The following LAMTOR4 variants were observed in gnomAD, a reference collection of about 807,000 sequenced individuals.
The protein encoded by LAMTOR4 is late endosomal/lysosomal adaptor, MAPK and MTOR activator 4.
In LAMTOR4, 11 loss-of-function variants were observed where a neutral mutation model predicts 13.5. The ratio of observed to expected loss-of-function variants is 0.82; its 90% CI spans 0.51 to 1.35. The LOEUF (loss-of-function observed/expected upper bound fraction) is 1.35. LAMTOR4 is among the 40% of genes most tolerant of loss of function. The pLI, the probability that LAMTOR4 is intolerant of heterozygous loss-of-function variation, is 0.00. For synonymous variants in LAMTOR4, 69 were observed against 52.3 expected (o/e 1.32, Z -1.38); for missense variants, 128 against 126.2 (o/e 1.01, Z -0.07).
Position 100,154,056 on chromosome 7 carries a change from A to C in LAMTOR4, c.*92A>C, listed in dbSNP as rs1798810547. The C allele has an allele frequency of 1.0e-6, 1 of 966,250 alleles. No individual in the cohort carries two copies. Among genetic ancestry groups the C allele is most frequent in the Non-Finnish European group, 1.6e-6 (1 of 618,414 alleles). 59.9% of individuals were successfully genotyped at this position (966,250 alleles called of 1,614,324 possible). A position where few individuals can be genotyped will look rare whatever the true frequency, so the allele number is the denominator to read the frequency against. The stretch of plus-strand genomic sequence containing the variant: ...CCTGTCGGTCTTGGCTTGCTGCTAG[A>C]ACTAGGGCCTTCTGCTCGCCCACCT... On this transcript the variant is annotated 3_prime_UTR_variant, in exon 4 of 4. Coordinates refer to ENST00000341942, the MANE Select transcript of LAMTOR4 (RefSeq NM_001008395.4).
chr7:100,149,294 CG>C, intron 1 of LAMTOR4: 1 of 561,616 alleles, frequency 1.8e-6, no homozygotes, highest in South Asian at 2.1e-5. Flanking sequence ...CAGGGGAGCC[CG>C]GGGGCGAGAG....
chr7:100,151,315 T>A (rs2116944399), intron 2 of LAMTOR4, among the ~76,000 whole-genome samples: 1 of 151,864 alleles, frequency 6.6e-6, no homozygotes, highest in South Asian at 2.1e-4. Flanking sequence ...CCTCATGATT[T>A]GCCCGCCTCA....
chr7:100,149,776 ATTTAT>A (rs1798643173), intron 2 of LAMTOR4, 197 bp downstream of exon 2: 3 of 487,834 alleles, frequency 6.1e-6, no homozygotes, highest in Non-Finnish European at 1.1e-5. Flanking sequence ...GCTGCGATTT[ATTTAT>A]TTATAGTTTT....
intron 2 of LAMTOR4, among the ~76,000 whole-genome samples, chr7:100,151,020 G>A (rs1584610255): frequency 1.3e-5 from 2 of 151,736 alleles, no homozygotes; most frequent in East Asian, 3.9e-4. Context: ...AGATGAGACT[G>A]GGCAAGTGGT....
At chr7:100,152,301 T>C (rs920059874) in intron 2 of LAMTOR4, among the ~76,000 whole-genome samples, 6 of 151,680 alleles carry the variant, frequency 4.0e-5, no homozygotes, top group African/African-American at 7.3e-5. Flanking sequence ...TCTTGGGAGG[T>C]TGAGGCAGGA....
intron 2 of LAMTOR4, among the ~76,000 whole-genome samples, chr7:100,153,121 G>T (rs909101842): frequency 1.3e-5 from 2 of 151,600 alleles, no homozygotes; most frequent in Non-Finnish European, 2.9e-5. Flanking sequence ...TACAGCCTGG[G>T]TGACAGAACG....
At position 100,151,074 on chromosome 7, in the gene LAMTOR4, T is replaced by G. The variant is rs188266866; in HGVS notation, c.84+1495T>G. On this transcript the variant is annotated intron_variant, in intron 2 of 3. Transcript: ENST00000341942. ...GGAGAGAAGAGTTTTGTTTTTGTTT[T>G]TTTTTGTTTTTGTTTTTTGAGACAG... is the stretch of plus-strand genomic sequence containing the variant. Among the ~76,000 whole-genome samples, 28 of 151,984 alleles carry G rather than the reference T, an allele frequency of 1.8e-4. No individual in the cohort carries two copies. The East Asian group carries it at 4.9e-3, about 26-fold the overall frequency.
chr7:100,153,665 G>T, intron 3 of LAMTOR4, 148 bp downstream of exon 3: 1 of 782,430 alleles, frequency 1.3e-6, no homozygotes. Context: ...CCTGGTATCA[G>T]AATTGTGAAT....
intron 1 of LAMTOR4, 92 bp downstream of exon 1, chr7:100,149,067 C>A (rs1798615617): frequency 6.8e-7 from 1 of 1,472,660 alleles, no homozygotes; most frequent in South Asian, 1.2e-5. Context: ...GGCCTGCGCT[C>A]CACCCTCACC....
At chr7:100,153,199 G>C (rs1287870093) in intron 2 of LAMTOR4, among the ~76,000 whole-genome samples, 1 of 151,994 alleles carries the variant, frequency 6.6e-6, no homozygotes, top group African/African-American at 2.4e-5. Context: ...GGGAAGGCCA[G>C]TATTATGGGA....
chr7:100,151,731 C>T (rs911351774), intron 2 of LAMTOR4, among the ~76,000 whole-genome samples: 9 of 147,750 alleles, frequency 6.1e-5, no homozygotes, highest in Non-Finnish European at 1.3e-4. Flanking sequence ...AGAGTCTCGC[C>T]GTCACTCAGG....
rs1798640505 is a variant in LAMTOR4, at chr7:100,149,641, T to C, written c.84+62T>C. On this transcript the variant is annotated intron_variant, in intron 2 of 3. Coordinates refer to ENST00000341942, the MANE Select transcript of LAMTOR4 (RefSeq NM_001008395.4). Reference sequence around the variant, plus strand: ...CACAGCCCGGTAACCCCTTCTAATATTGGCCCTTCTTTTCTCGGCTTTTAT... The same window carrying C: ...CACAGCCCGGTAACCCCTTCTAATACTGGCCCTTCTTTTCTCGGCTTTTAT... The C allele has an allele frequency of 6.5e-6, 8 of 1,235,322 alleles. No individual in the cohort carries two copies. In the East Asian group the frequency reaches 1.4e-4, roughly 22 times the overall value. 76.5% of individuals were successfully genotyped at this position (1,235,322 alleles called of 1,614,324 possible).
intron 2 of LAMTOR4, 180 bp downstream of exon 2, chr7:100,149,759 C>T (rs960511073): frequency 2.0e-6 from 1 of 511,624 alleles, no homozygotes; most frequent in Middle Eastern, 4.4e-4. Context: ...ATCTTAGTCT[C>T]CTAACGGCTG....
intron 1 of LAMTOR4, 25 bp downstream of exon 1, chr7:100,149,000 G>A (rs375055529): frequency 5.8e-5 from 93 of 1,606,290 alleles, no homozygotes; most frequent in Non-Finnish European, 7.8e-5. Context: ...ATGCGCGAGA[G>A]GACCCGCCGG....
In LAMTOR4 at chr7:100,152,377, G is replaced by A. The variant is rs1798730031; in HGVS notation, c.85-1023G>A. Among the ~76,000 whole-genome samples the A allele has an allele frequency of 2.0e-5, 3 of 151,124 alleles. No individual in the cohort carries two copies. In the South Asian group the frequency reaches 6.4e-4, roughly 32 times the overall value. ...AGATTGCACCACTGTACTCCAGCCT[G>A]GGTGATAGAGTGAGACTCTGTCTCA... On this transcript the variant is annotated intron_variant, in intron 2 of 3. Transcript: ENST00000341942.
chr7:100,149,008 C>G, intron 1 of LAMTOR4, 33 bp downstream of exon 1: 1 of 1,604,400 alleles, frequency 6.2e-7, no homozygotes, highest in South Asian at 1.1e-5. Context: ...GAGGACCCGC[C>G]GGGGGTTCAG....
chr7:100,153,497 T>C lies in LAMTOR4; in HGVS notation c.182T>C (p.Val61Ala). 6.2e-7 allele frequency: 1 copy of C among 1,608,008 alleles called. No homozygotes were observed. The highest frequency in any genetic ancestry group is 8.5e-7 in the Non-Finnish European group (1 of 1,179,968). The change falls in exon 3 of 4, where the codon GTG (valine) becomes GCG (alanine). Residue 61 changes from valine to alanine, a missense_variant. Val to Ala is a moderately conservative substitution (Grantham distance 64). Transcript: ENST00000341942. ...CGFRLHRGMN[V>A]PFKRLSVVFG... ...TTCCGGCTGCACCGCGGCATGAATG[T>C]GCCCTTCAAGCGCCTGTCTGGTGAG...
intron 2 of LAMTOR4, 177 bp downstream of exon 2, chr7:100,149,756 T>A (rs1584608818): frequency 1.9e-6 from 1 of 520,144 alleles, no homozygotes; most frequent in East Asian, 2.9e-5. Flanking sequence ...GGAATCTTAG[T>A]CTCCTAACGG....
At chr7:100,149,137 G>A (rs1798618252) in intron 1 of LAMTOR4, 162 bp downstream of exon 1, 3 of 918,588 alleles carry the variant, frequency 3.3e-6, no homozygotes, top group Middle Eastern at 2.5e-4. Context: ...CGAGAATGCT[G>A]GGGAGGGGTC....
Sources: allele counts gnomAD v4.1 joint callset (sites outside exome capture counted in the v4.1 genomes callset), GRCh38; gene constraint gnomAD v4.1.1; transcripts MANE v1.5; gene names NCBI Gene and HGNC (gene_info 2026-07-23, HGNC 2026-07-21).